The following RCOR1 variants were observed in gnomAD, a reference collection of about 807,000 sequenced individuals.
RCOR1 encodes REST corepressor 1, also known as REST corepressor.
A neutral mutation model predicts 64.0 loss-of-function variants in RCOR1; 12 were observed. That is an observed-to-expected ratio of 0.19 (90% CI 0.12 to 0.30). The LOEUF is 0.30. Ranked by LOEUF, RCOR1 falls within the 10% of genes least tolerant of loss-of-function variation. The pLI, the probability that RCOR1 is intolerant of heterozygous loss-of-function variation, is 1.00. For missense variants in RCOR1, 502 were observed against 621.2 expected, an observed-to-expected ratio of 0.81 and a Z score of 2.04; for synonymous variants, 279 against 227.2, an observed-to-expected ratio of 1.23 and a Z score of -2.05.
At chr14:102,717,446 G>T (rs191712616) in intron 8 of RCOR1, among the ~76,000 whole-genome samples, 143 of 152,318 alleles carry the variant, frequency 9.4e-4, no homozygotes, top group African/African-American at 3.3e-3. Flanking sequence ...TCTTCTTGTG[G>T]CTGCTGGCAC....
intron 2 of RCOR1, among the ~76,000 whole-genome samples, chr14:102,604,573 T>G (rs1236402647): frequency 6.6e-6 from 1 of 152,188 alleles, no homozygotes; most frequent in Non-Finnish European, 1.5e-5. Flanking sequence ...ATTGAGAGGC[T>G]TAGTCTTATG....
intron 11 of RCOR1, among the ~76,000 whole-genome samples, chr14:102,726,108 C>G (rs1401664063): frequency 6.6e-6 from 1 of 152,020 alleles, no homozygotes; most frequent in Non-Finnish European, 1.5e-5. Context: ...GCAGGCAGAT[C>G]ACGAGGTCAG....
chr14:102,660,262 A>G (rs899111065), intron 2 of RCOR1, among the ~76,000 whole-genome samples: 1 of 152,192 alleles, frequency 6.6e-6, no homozygotes, highest in Non-Finnish European at 1.5e-5. Flanking sequence ...AATGTGATAT[A>G]CATTATGAGT....
intron 7 of RCOR1, among the ~76,000 whole-genome samples, chr14:102,712,717 T>C (rs184047761): frequency 4.7e-4 from 72 of 151,888 alleles, no homozygotes; most frequent in Non-Finnish European, 7.2e-4. Context: ...GTCGTTTTTT[T>C]CTGCATAATT....
At chr14:102,715,054 T>C (rs1896042898) in intron 8 of RCOR1, among the ~76,000 whole-genome samples, 1 of 151,048 alleles carries the variant, frequency 6.6e-6, no homozygotes, top group Admixed American at 6.6e-5. Flanking sequence ...CTCCTCCTTG[T>C]AGGTGGCCAC....
At chr14:102,666,379 A>G (rs768631979) in intron 2 of RCOR1, among the ~76,000 whole-genome samples, 96 of 152,200 alleles carry the variant, frequency 6.3e-4, no homozygotes, top group Non-Finnish European at 8.2e-4. Context: ...AGATAGTACA[A>G]AGAGTTTCCA....
rs150094896 is a variant in RCOR1 at position 102,673,630 on chromosome 14, C to T, written c.362-8265C>T. ...GATTACAGGCGTGAGCCATGGCTCA[C>T]GTGAGACAGAGTTTCACTCTTTTTG... On this transcript the variant is annotated intron_variant, in intron 2 of 11. Coordinates refer to ENST00000262241, the MANE Select transcript of RCOR1 (RefSeq NM_015156.4). Among the ~76,000 whole-genome samples, 662 of 147,224 alleles carry T rather than the reference C, an allele frequency of 4.5e-3. 5 individuals are homozygous for T. Among genetic ancestry groups the T allele is most frequent in the African/African-American group, 0.011 (454 of 39,560 alleles).
intron 2 of RCOR1, among the ~76,000 whole-genome samples, chr14:102,639,580 C>T (rs1367312976): frequency 6.7e-6 from 1 of 150,024 alleles, no homozygotes; most frequent in Non-Finnish European, 1.5e-5. Flanking sequence ...GTTGTCCAGG[C>T]TGGAGTGCAA....
intron 2 of RCOR1, among the ~76,000 whole-genome samples, chr14:102,635,709 TC>T (rs1010816582): frequency 7.4e-4 from 112 of 152,306 alleles, no homozygotes; most frequent in African/African-American, 2.6e-3. Context: ...GGATTGTTTT[TC>T]TGCATGTAAT....
intron 2 of RCOR1, among the ~76,000 whole-genome samples, chr14:102,633,502 A>G (rs531792253): frequency 1.3e-5 from 2 of 151,938 alleles, no homozygotes; most frequent in African/African-American, 4.8e-5. Flanking sequence ...CTACCCCATA[A>G]TTTGAAGGAG....
intron 2 of RCOR1, among the ~76,000 whole-genome samples, chr14:102,634,636 G>GTATA (rs761011160): frequency 1.6e-4 from 23 of 141,360 alleles, no homozygotes; most frequent in African/African-American, 5.2e-4. Context: ...GTGTATGTGT[G>GTATA]TATATATATA....
At chr14:102,655,456 T>C in intron 2 of RCOR1, 1 of 983,462 alleles carries the variant, frequency 1.0e-6, no homozygotes, top group South Asian at 4.7e-5. Flanking sequence ...CTTTTGTTTT[T>C]GCTTTATCAC....
At chr14:102,620,972 A>G (rs1893860295) in intron 2 of RCOR1, among the ~76,000 whole-genome samples, 1 of 151,362 alleles carries the variant, frequency 6.6e-6, no homozygotes, top group South Asian at 2.1e-4. Flanking sequence ...ACTAAAAAAA[A>G]TTAATACTTA....
intron 2 of RCOR1, among the ~76,000 whole-genome samples, chr14:102,605,092 AAAAG>A (rs899316047): frequency 6.6e-6 from 1 of 150,574 alleles, no homozygotes; most frequent in Non-Finnish European, 1.5e-5. Flanking sequence ...AAAAAAAAGG[AAAAG>A]AAAAAACACT....
chr14:102,692,050 G>A (rs1377450389), intron 3 of RCOR1, among the ~76,000 whole-genome samples: 1 of 152,160 alleles, frequency 6.6e-6, no homozygotes, highest in African/African-American at 2.4e-5. Flanking sequence ...GCTGTTGTTG[G>A]ACTTATACGT....
chr14:102,652,211 C>G (rs2139930482), intron 2 of RCOR1, among the ~76,000 whole-genome samples: 1 of 152,280 alleles, frequency 6.6e-6, no homozygotes, highest in South Asian at 2.1e-4. Context: ...GAAGAAGGAA[C>G]TGTTTCCTCC....
chr14:102,707,274 C>G, intron 4 of RCOR1, 77 bp from the exon 5 acceptor site: 59 of 1,070,196 alleles, frequency 5.5e-5, no homozygotes, highest in East Asian at 2.1e-4. Context: ...GTCGTTTTTA[C>G]TTTTCTTTTG....
At chr14:102,651,138 G>A (rs969629199) in intron 2 of RCOR1, 5 of 922,096 alleles carry the variant, frequency 5.4e-6, no homozygotes, top group Non-Finnish European at 6.5e-6. Flanking sequence ...CGGTCGGGGA[G>A]ACCCTAACCC....
In RCOR1 at chr14:102,730,227, T is replaced by G. The variant is rs1896345437; in HGVS notation, c.*3721T>G. 1 of 389,896 alleles carries G rather than the reference T, an allele frequency of 2.6e-6. No homozygotes were observed. The highest frequency in any genetic ancestry group is 2.1e-5 in the African/African-American group (1 of 48,526). The allele number at this position is 389,896 out of a possible 1,614,324, so 24.2% of individuals were successfully genotyped here. ...TGCTTTTTAGACAGCTTAAAAAATT[T>G]TCAAGATTTTAAAAGATGTATAAGG... On this transcript the variant is annotated 3_prime_UTR_variant, in exon 12 of 12. Coordinates refer to ENST00000262241, the MANE Select transcript of RCOR1 (RefSeq NM_015156.4).
Sources: gnomAD v4.1 joint callset for allele counts (sites outside exome capture counted in the v4.1 genomes callset) on GRCh38, gnomAD v4.1.1 for gene constraint, MANE v1.5 for transcripts, NCBI Gene and HGNC (gene_info 2026-07-23, HGNC 2026-07-21) for gene names.